DBR1: variants seen among roughly 807,000 people sequenced by gnomAD.
DBR1 encodes the protein debranching RNA lariats 1, also known as lariat debranching enzyme.
In DBR1, 33 loss-of-function variants were observed where a neutral mutation model predicts 45.9. The ratio of observed to expected loss-of-function variants is 0.72; its 90% confidence interval spans 0.55 to 0.96. The LOEUF is 0.96. DBR1 is among the 40% of genes least tolerant of loss of function. The pLI is 0.00. For missense variants in DBR1, 619 were observed against 667.4 expected (o/e 0.93, Z 0.80); for synonymous variants, 235 against 235.9 (o/e 1.00, Z 0.04).
rs767544832 is a variant in DBR1, at chr3:138,162,356, G to A, written c.1168C>T (p.His390Tyr). The A allele has an allele frequency of 3.7e-6, 6 of 1,614,122 alleles. No individual in the cohort carries two copies. The highest frequency in any genetic ancestry group is 1.1e-5 in the South Asian group (1 of 91,080). Reference protein sequence around the residue: ...NVRLQKSKEEHHVCGEYEEQD... With the variant: ...NVRLQKSKEEYHVCGEYEEQD... ...TCTTCATATTCACCACACACATGATGTTCTTCCTTGGACTTCTGAAGCCTA... is the reference window on the plus strand; with the variant it reads ...TCTTCATATTCACCACACACATGATATTCTTCCTTGGACTTCTGAAGCCTA... The change falls in exon 8 of 8, where the codon CAT (histidine) becomes TAT (tyrosine). Residue 390 changes from histidine (H) to tyrosine (Y), a missense_variant. Physicochemically the swap from His to Tyr is moderately conservative, Grantham distance 83 (BLOSUM62 2). This residue lies in a region of DBR1 where 182 missense variants were observed against 196.1 expected (regional missense o/e 0.93). Transcript: ENST00000260803.
At chr3:138,171,412 T>C (rs772518376) in intron 3 of DBR1, 3 of 325,692 alleles carry the variant, frequency 9.2e-6, no homozygotes, top group African/African-American at 2.4e-5. Context: ...GAGGTGGAGG[T>C]TGTAGTGAGC....
intron 4 of DBR1, among the ~76,000 whole-genome samples, chr3:138,169,864 C>T (rs566546521): frequency 1.3e-5 from 2 of 151,778 alleles, no homozygotes; most frequent in East Asian, 3.9e-4. Flanking sequence ...ACCCAGGAGG[C>T]GGAGGTTGCA....
intron 3 of DBR1, among the ~76,000 whole-genome samples, chr3:138,171,144 A>C (rs1270357653): frequency 6.6e-6 from 1 of 152,166 alleles, no homozygotes; most frequent in Non-Finnish European, 1.5e-5. Context: ...TTGTATCTAT[A>C]CTGTTTTATT....
intron 1 of DBR1, 44 bp downstream of exon 1, chr3:138,174,555 T>TCCCCCCC: frequency 1.1e-4 from 159 of 1,437,388 alleles, no homozygotes; most frequent in Middle Eastern, 1.9e-4. Context: ...GGGAACCCAG[T>TCCCCCCC]CCCACCCCCC....
intron 5 of DBR1, among the ~76,000 whole-genome samples, chr3:138,164,925 G>A (rs2042923599): frequency 6.6e-6 from 1 of 152,062 alleles, no homozygotes; most frequent in Non-Finnish European, 1.5e-5. Context: ...GGGATTACAG[G>A]CATGAGCCAC....
rs746943007 is a variant in DBR1, at chr3:138,174,588, C to G, written c.197+11G>C. 6.3e-7 allele frequency: 1 copy of G among 1,597,042 alleles called. No homozygotes were observed. Among genetic ancestry groups the G allele is most frequent in the East Asian group, 2.3e-5 (1 of 44,072 alleles). ...CCCCACCGCCAAGTCCGGGCCCGGC[C>G]GCGTCCTCACCTGTAGAAGGTTTGC... On this transcript the variant is annotated intron_variant, in intron 1 of 7. Transcript: ENST00000260803.
chr3:138,174,787 C>T lies in DBR1; in HGVS notation c.9G>A (p.Val3=). Residue 3 remains valine (V), a synonymous_variant, in exon 1 of 8, where the codon GTG becomes GTA. Transcript: ENST00000260803. The stretch of plus-strand genomic sequence containing the variant: ...CGCCGTGGCAGCAGCCAGCCACAGC[C>T]ACCCGCATTCTGCCGGCCTGAGGAG... MR[V]AVAGCCHGEL... is the part of the protein sequence containing the mutation. The T allele has an allele frequency of 6.2e-7, 1 of 1,611,270 alleles. No homozygotes were observed. The highest frequency in any genetic ancestry group is 8.5e-7 in the Non-Finnish European group (1 of 1,179,466).
chr3:138,171,402 GA>G, intron 3 of DBR1: 2 of 312,342 alleles, frequency 6.4e-6, no homozygotes, highest in Non-Finnish European at 5.9e-6. Context: ...TTGAACCTGG[GA>G]GGTGGAGGTT....
intron 7 of DBR1, 93 bp downstream of exon 7, chr3:138,163,256 G>T: frequency 7.5e-7 from 1 of 1,324,620 alleles, no homozygotes; most frequent in South Asian, 1.4e-5. Context: ...AACAGAGCTA[G>T]ACCCTGTTTC....
intron 1 of DBR1, 139 bp from the exon 2 acceptor site, chr3:138,173,765 G>C: frequency 1.1e-6 from 1 of 895,978 alleles, no homozygotes; most frequent in South Asian, 1.8e-5. Flanking sequence ...GGCTGGGCGC[G>C]GTGGCTCCCT....
Position 138,163,466 on chromosome 3 carries a change from G to A in DBR1, c.824C>T (p.Ala275Val). 1 of 1,607,762 alleles carries A rather than the reference G, an allele frequency of 6.2e-7. No homozygotes were observed. Among genetic ancestry groups the A allele is most frequent in the Non-Finnish European group, 8.5e-7 (1 of 1,174,790 alleles). Residue 275 changes from alanine to valine, a missense_variant, in exon 7 of 8, where the codon GCT becomes GTT. Around this residue, in one of 3 missense-constraint regions of DBR1, gnomAD observed 430 missense variants for 447.7 expected, o/e 0.96. Transcript: ENST00000260803. ...QILEIEHDPS[A>V]PDYLEYDIEW... is the part of the protein sequence containing the mutation. ...AATATCATATTCCAAGTAATCAGGAGCACTGGGGTCATGTTCTATCTCTAA... is the reference window on the plus strand; with the variant it reads ...AATATCATATTCCAAGTAATCAGGAACACTGGGGTCATGTTCTATCTCTAA...
chr3:138,171,725 A>G lies in DBR1; in HGVS notation c.323-12T>C. 1 of 1,603,154 alleles carries G rather than the reference A, an allele frequency of 6.2e-7. No homozygotes were observed. The highest frequency in any genetic ancestry group is 1.3e-5 in the African/African-American group (1 of 74,860). On this transcript the variant is annotated splice_polypyrimidine_tract_variant and intron_variant, in intron 2 of 7. Coordinates refer to ENST00000260803, the MANE Select transcript of DBR1 (RefSeq NM_016216.4). Reference sequence around the variant, plus strand: ...CACACCAGCCAAACCTAAACAATACAGTTAAATAAAATTACTGTAGGCAAA... The same window carrying G: ...CACACCAGCCAAACCTAAACAATACGGTTAAATAAAATTACTGTAGGCAAA...
At chr3:138,167,875 A>T (rs1000314495) in intron 4 of DBR1, among the ~76,000 whole-genome samples, 4 of 152,102 alleles carry the variant, frequency 2.6e-5, no homozygotes, top group Non-Finnish European at 5.9e-5. Flanking sequence ...TGAACCCAGG[A>T]GGTGGAGGTT....
rs1168949627 is a variant in DBR1 at position 138,174,711 on chromosome 3, C to A, written c.85G>T (p.Gly29Trp). 1 of 1,612,686 alleles carries A rather than the reference C, an allele frequency of 6.2e-7. No homozygotes were observed. The highest frequency in any genetic ancestry group is 1.1e-5 in the South Asian group (1 of 90,902). Residue 29 changes from glycine to tryptophan, a missense_variant, in exon 1 of 8, where the codon GGG (glycine) becomes TGG (tryptophan). By Grantham distance (184) the Gly-to-Trp change is radical. Around this residue, in one of 3 missense-constraint regions of DBR1, gnomAD observed 430 missense variants for 447.7 expected, o/e 0.96. Coordinates refer to ENST00000260803, the MANE Select transcript of DBR1 (RefSeq NM_016216.4). ...TLALAERRGP[G>W]PVDLLLCCGD... Reference sequence around the variant, plus strand: ...CAGCACAGCAAGAGGTCGACAGGCCCCGGGCCGCGCCGCTCTGCCAGCGCC... The same window carrying A: ...CAGCACAGCAAGAGGTCGACAGGCCACGGGCCGCGCCGCTCTGCCAGCGCC...
At position 138,162,198 on chromosome 3, in the gene DBR1, A is replaced by G; in HGVS notation, c.1326T>C (p.Ser442=). The part of the protein sequence containing the change: ...DEEEDEDSIV[S]AHSGMNTPSV... ...ATGGTGTATTCATGCCACTATGTGC[A>G]CTTACAATACTATCTTCATCTTCTT... The change falls in exon 8 of 8, where the codon AGT becomes AGC. Residue 442 remains serine (S), a synonymous_variant. Transcript: ENST00000260803. 1 of 1,614,184 alleles carries G rather than the reference A, an allele frequency of 6.2e-7. No homozygotes were observed. The highest frequency in any genetic ancestry group is 8.5e-7 in the Non-Finnish European group (1 of 1,180,042).
rs1049528622 is a variant in DBR1, at chr3:138,161,395, T to C, written c.*494A>G. The C allele has an allele frequency of 1.3e-5, 2 of 154,188 alleles. No individual in the cohort carries two copies. The highest frequency in any genetic ancestry group is 4.8e-5 in the African/African-American group (2 of 41,448). 9.6% of individuals were successfully genotyped at this position (154,188 alleles called of 1,614,324 possible). A position where few individuals can be genotyped will look rare whatever the true frequency, so the allele number is the denominator to read the frequency against. On this transcript the variant is annotated 3_prime_UTR_variant, in exon 8 of 8. Coordinates refer to ENST00000260803, the MANE Select transcript of DBR1 (RefSeq NM_016216.4). The stretch of plus-strand genomic sequence containing the variant: ...AGTAAATATATGAAACTTTAATATG[T>C]TTGCATCTGAAACATACAAAAGCCT...
In DBR1 at chr3:138,161,854, C is replaced by T; in HGVS notation, c.*35G>A. On this transcript the variant is annotated 3_prime_UTR_variant, in exon 8 of 8. Coordinates refer to ENST00000260803, the MANE Select transcript of DBR1 (RefSeq NM_016216.4). ...AGAGTGAAACTCCATCTCAAAAAAA[C>T]AAAACAAACACAAAAACAAAACAAG... 3 of 1,566,418 alleles carry T rather than the reference C, an allele frequency of 1.9e-6. No homozygotes were observed. In the South Asian group the frequency reaches 3.4e-5, roughly 18 times the overall value.
Position 138,161,819 on chromosome 3 carries a change from C to G in DBR1, c.*70G>C. On this transcript the variant is annotated 3_prime_UTR_variant, in exon 8 of 8. Coordinates refer to ENST00000260803, the MANE Select transcript of DBR1 (RefSeq NM_016216.4). ...CGAGATCACGCCATTGCACTCCAGT[C>G]TAGGTGACAAGAGTGAAACTCCATC... 8.0e-7 allele frequency: 1 copy of G among 1,245,738 alleles called. No individual in the cohort carries two copies. The highest frequency in any genetic ancestry group is 2.3e-5 in the East Asian group (1 of 43,152). 77.2% of individuals were successfully genotyped at this position (1,245,738 alleles called of 1,614,324 possible). A position where few individuals can be genotyped will look rare whatever the true frequency, so the allele number is the denominator to read the frequency against.
At chr3:138,165,545 C>A (rs7613041) in intron 5 of DBR1, among the ~76,000 whole-genome samples, 1 of 151,628 alleles carries the variant, frequency 6.6e-6, no homozygotes, top group Admixed American at 6.6e-5. Context: ...CTGGCTAACA[C>A]AGTGAAACGC....
Sources: gnomAD v4.1 joint callset for allele counts (sites outside exome capture counted in the v4.1 genomes callset) on GRCh38, gnomAD v4.1.1 for gene constraint, gnomAD v4.1.1 regional missense constraint, MANE v1.5 for transcripts, NCBI Gene and HGNC (gene_info 2026-07-23, HGNC 2026-07-21) for gene names.